Variants in FRMD4A observed in about 807,000 individuals in gnomAD.
FRMD4A encodes the protein FERM domain containing 4A, also known as FERM domain-containing protein 4A.
A neutral mutation model predicts 129.1 loss-of-function variants in FRMD4A; 29 were observed. That is an observed-to-expected ratio of 0.22 (90% confidence interval 0.17 to 0.31). The LOEUF (loss-of-function observed/expected upper bound fraction) is 0.31. FRMD4A is among the 10% of genes least tolerant of loss of function. The probability of loss-of-function intolerance (pLI) is 1.00; values close to 1 mark genes in which losing one functional copy is unlikely to be tolerated. For missense variants in FRMD4A, 1,272 were observed against 1,375.8 expected (o/e 0.92, Z 1.19); for synonymous variants, 634 against 571.6 (o/e 1.11, Z -1.56).
At chr10:13,695,586 C>G (rs1019300055) in intron 14 of FRMD4A, among the ~76,000 whole-genome samples, 1 of 152,226 alleles carries the variant, frequency 6.6e-6, no homozygotes, top group Admixed American at 6.5e-5. Flanking sequence ...CTGAAGGCAA[C>G]AGGCTTTGCC....
intron 2 of FRMD4A, among the ~76,000 whole-genome samples, chr10:13,884,620 G>T (rs1304205882): frequency 6.6e-6 from 1 of 152,004 alleles, no homozygotes; most frequent in African/African-American, 2.4e-5. Context: ...TCCCCCCACC[G>T]ACCTTCTCTA....
At chr10:14,150,979 T>G (rs1032343654) in intron 2 of FRMD4A, among the ~76,000 whole-genome samples, 1 of 152,220 alleles carries the variant, frequency 6.6e-6, no homozygotes, top group African/African-American at 2.4e-5. Flanking sequence ...AACCTAAGCA[T>G]TGGATTTGTC....
chr10:13,662,573 G>A (rs376285069), intron 19 of FRMD4A, among the ~76,000 whole-genome samples: 2 of 152,108 alleles, frequency 1.3e-5, no homozygotes, highest in South Asian at 2.1e-4. Flanking sequence ...TTTCTTCCCC[G>A]ACGTATGGTG....
intron 12 of FRMD4A, among the ~76,000 whole-genome samples, chr10:13,723,960 T>C (rs2089680602): frequency 6.6e-6 from 1 of 152,254 alleles, no homozygotes; most frequent in African/African-American, 2.4e-5. Context: ...AATTTCTTAA[T>C]AAAAGCTTAT....
intron 2 of FRMD4A, among the ~76,000 whole-genome samples, chr10:14,315,409 A>G (rs965222439): frequency 1.3e-5 from 2 of 152,148 alleles, no homozygotes; most frequent in African/African-American, 4.8e-5. Context: ...TCCTCACCCA[A>G]CATAAAGATC....
chr10:13,955,029 A>T (rs1268148440), intron 2 of FRMD4A, among the ~76,000 whole-genome samples: 2 of 151,980 alleles, frequency 1.3e-5, no homozygotes, highest in Non-Finnish European at 2.9e-5. Flanking sequence ...AATGTCACAG[A>T]CTACTAACAA....
At chr10:13,682,209 G>T (rs1045395885) in intron 15 of FRMD4A, among the ~76,000 whole-genome samples, 4 of 151,974 alleles carry the variant, frequency 2.6e-5, no homozygotes, top group Non-Finnish European at 4.4e-5. Context: ...GGGCAACAAA[G>T]CAAGACCCCG....
At chr10:13,669,625 G>A (rs2134708935) in intron 17 of FRMD4A, among the ~76,000 whole-genome samples, 1 of 152,332 alleles carries the variant, frequency 6.6e-6, no homozygotes, top group Non-Finnish European at 1.5e-5. Flanking sequence ...CTCTGTTCAA[G>A]AGCATGTTAA....
At chr10:14,113,776 G>A (rs1054969786) in intron 2 of FRMD4A, among the ~76,000 whole-genome samples, 20 of 152,012 alleles carry the variant, frequency 1.3e-4, no homozygotes, top group African/African-American at 2.4e-4. Flanking sequence ...GAGTGTGCGC[G>A]CGCGTGTGTG....
intron 2 of FRMD4A, among the ~76,000 whole-genome samples, chr10:14,285,421 T>C (rs1015322038): frequency 2.6e-5 from 4 of 152,196 alleles, no homozygotes; most frequent in East Asian, 1.9e-4. Context: ...ACTGGAGGCA[T>C]TGGGGTAGGC....
chr10:13,866,470 T>C (rs1372137975), intron 2 of FRMD4A, among the ~76,000 whole-genome samples: 1 of 152,138 alleles, frequency 6.6e-6, no homozygotes, highest in African/African-American at 2.4e-5. Context: ...AGACACATCC[T>C]TCTCTCCACT....
At chr10:14,188,490 A>G (rs888952782) in intron 2 of FRMD4A, among the ~76,000 whole-genome samples, 1 of 152,176 alleles carries the variant, frequency 6.6e-6, no homozygotes, top group South Asian at 2.1e-4. Context: ...TCCCTCTTCA[A>G]TCAGTCCCAC....
At chr10:13,848,147 T>A (rs1197284113) in intron 3 of FRMD4A, among the ~76,000 whole-genome samples, 1 of 152,174 alleles carries the variant, frequency 6.6e-6, no homozygotes, top group Non-Finnish European at 1.5e-5. Context: ...AGCATGTAGT[T>A]TAATGTCCTA....
chr10:13,963,720 G>A (rs763713071), intron 2 of FRMD4A, among the ~76,000 whole-genome samples: 8 of 152,142 alleles, frequency 5.3e-5, no homozygotes, highest in Admixed American at 2.0e-4. Context: ...AGCGTTCTAC[G>A]TAATTACAAA....
chr10:13,694,068 A>G, intron 14 of FRMD4A, 29 bp from the exon 15 acceptor site: 1 of 1,495,698 alleles, frequency 6.7e-7, no homozygotes, highest in Non-Finnish European at 8.9e-7. Context: ...CAGGTCAAAG[A>G]AGTGACGCTC....
At chr10:13,650,215 T>C (rs75342451) in intron 24 of FRMD4A, among the ~76,000 whole-genome samples, 1 of 152,108 alleles carries the variant, frequency 6.6e-6, no homozygotes, top group Non-Finnish European at 1.5e-5. Context: ...AACTGAATTA[T>C]TTTTTTAAAC....
At chr10:13,717,810 T>C (rs1252688106) in intron 12 of FRMD4A, among the ~76,000 whole-genome samples, 1 of 150,862 alleles carries the variant, frequency 6.6e-6, no homozygotes. Flanking sequence ...ATCTCCTCTG[T>C]GGAGGTCATC....
intron 2 of FRMD4A, among the ~76,000 whole-genome samples, chr10:13,995,914 C>T (rs1446428579): frequency 2.0e-5 from 3 of 152,066 alleles, no homozygotes; most frequent in African/African-American, 7.2e-5. Context: ...AGCGCCCTCT[C>T]CTCGTCCTCC....
At chr10:13,733,338 T>G (rs781705144) in intron 12 of FRMD4A, among the ~76,000 whole-genome samples, 9 of 152,244 alleles carry the variant, frequency 5.9e-5, no homozygotes, top group Non-Finnish European at 1.3e-4. Flanking sequence ...GTCCACGGCC[T>G]TGCCTTTAAG....
Sources: gnomAD v4.1 joint callset for allele counts (sites outside exome capture counted in the v4.1 genomes callset) on GRCh38, gnomAD v4.1.1 for gene constraint, MANE v1.5 for transcripts, NCBI Gene and HGNC (gene_info 2026-07-23, HGNC 2026-07-21) for gene names.